The following PLCH2 variants were observed in gnomAD, a reference collection of about 807,000 sequenced individuals.
PLCH2 encodes phospholipase C eta 2, also known as 1-phosphatidylinositol 4,5-bisphosphate phosphodiesterase eta-2.
Under a neutral mutation model 134.7 loss-of-function variants are expected in PLCH2, and 98 were observed. That is an observed-to-expected ratio of 0.73 (90% CI 0.62 to 0.86). The LOEUF (loss-of-function observed/expected upper bound fraction) is 0.86, where lower values mean the gene tolerates loss of function less well. Among genes scored for constraint, PLCH2 ranks in the 40% least tolerant of loss-of-function variants. The pLI is 0.00. For missense variants in PLCH2, 1,994 were observed against 1,986.6 expected, an observed-to-expected ratio of 1.00 and a Z score of -0.07; for synonymous variants, 974 against 827.5, an observed-to-expected ratio of 1.18 and a Z score of -3.04.
rs1234133088 is a variant in PLCH2 at position 2,443,500 on chromosome 1, G to A, written c.115+12871G>A. Among the ~76,000 whole-genome samples, 4 of 152,116 alleles carry A rather than the reference G, an allele frequency of 2.6e-5. No homozygotes were observed. The East Asian group carries it at 7.7e-4, about 29-fold the overall frequency. On this transcript the variant is annotated intron_variant, in intron 2 of 3. Coordinates refer to the PLCH2 transcript ENST00000609981. ...CCGGCTGGGGCCACGGGGAGCCGGAGGGAGGCGGAGGGGGAGGTGTGGGGA... is the reference window on the plus strand; with the variant it reads ...CCGGCTGGGGCCACGGGGAGCCGGAAGGAGGCGGAGGGGGAGGTGTGGGGA...
At chr1:2,446,970 T>G (rs567049884) in intron 2 of PLCH2, among the ~76,000 whole-genome samples, 1 of 152,296 alleles carries the variant, frequency 6.6e-6, no homozygotes, top group South Asian at 2.1e-4. Flanking sequence ...GGTGGCCTGG[T>G]GGAGGTGGAG....
intron 2 of PLCH2, among the ~76,000 whole-genome samples, chr1:2,432,197 G>A (rs1015825650): frequency 1.9e-4 from 29 of 152,224 alleles, no homozygotes; most frequent in Non-Finnish European, 3.2e-4. Context: ...GCTGGGGCTG[G>A]CACCTGGCTG....
chr1:2,503,910 A>ACACCCCCCCCCCCCCCC lies in PLCH2; in HGVS notation c.2960-11_2960-10insACCCCCCCCCCCCCCCC. 1 of 266,702 alleles carries ACACCCCCCCCCCCCCCC rather than the reference A, an allele frequency of 3.7e-6. No homozygotes were observed. Among genetic ancestry groups the ACACCCCCCCCCCCCCCC allele is most frequent in the South Asian group, 4.3e-5 (1 of 23,144 alleles). The allele number at this position is 266,702 out of a possible 1,614,324, so 16.5% of individuals were successfully genotyped here. Reference sequence around the variant, plus strand: ...CCCTCTGGCTCTCTCTCACTCCCCCACCTCCCCACAGACACCCGCCCCCTC... The same window carrying ACACCCCCCCCCCCCCCC: ...CCCTCTGGCTCTCTCTCACTCCCCCACACCCCCCCCCCCCCCCCCTCCCCACAGACACCCGCCCCCTC... On this transcript the variant is annotated splice_polypyrimidine_tract_variant and intron_variant, in intron 21 of 21. Coordinates refer to ENST00000378486, the MANE Select transcript of PLCH2 (RefSeq NM_014638.4).
intron 5 of PLCH2, among the ~76,000 whole-genome samples, chr1:2,486,107 T>C (rs1484161452): frequency 2.0e-5 from 3 of 152,042 alleles, no homozygotes; most frequent in Middle Eastern, 3.2e-3. Flanking sequence ...TGGCTGCAGA[T>C]AGTAGGTCCT....
intron 5 of PLCH2, among the ~76,000 whole-genome samples, chr1:2,486,386 C>T (rs1160413617): frequency 1.3e-5 from 2 of 152,222 alleles, no homozygotes; most frequent in Admixed American, 6.5e-5. Flanking sequence ...GTGGGCTGGG[C>T]AGCTCCTGGC....
chr1:2,478,302 C>T lies in PLCH2; in HGVS notation c.125-174C>T, dbSNP rs529234160. 1.5e-3 allele frequency among the ~76,000 whole-genome samples: 236 copies of T among 152,304 alleles called. 6 individuals carry two copies. The highest frequency in any genetic ancestry group is 6.5e-4 in the Non-Finnish European group (44 of 68,006). On this transcript the variant is annotated intron_variant, in intron 1 of 21. Coordinates refer to ENST00000378486, the MANE Select transcript of PLCH2 (RefSeq NM_014638.4). ...AGGTGGCCCTGGGCTCTGGCCTTTG[C>T]CCTGTCACTGGCAGGGCGGTGTGGG... is the stretch of plus-strand genomic sequence containing the variant.
chr1:2,487,509 G>T, intron 7 of PLCH2, 89 bp from the exon 8 acceptor site: 1 of 1,517,654 alleles, frequency 6.6e-7, no homozygotes, highest in Non-Finnish European at 8.9e-7. Context: ...ACTGAGCAAT[G>T]GGACAGGCCC....
the PLCH2 span, among the ~76,000 whole-genome samples, chr1:2,418,000 C>G: frequency 6.6e-6 from 1 of 152,222 alleles, no homozygotes; most frequent in Non-Finnish European, 1.5e-5. Context: ...CATTTAGACT[C>G]TGGTGAGAAG....
intron 2 of PLCH2, among the ~76,000 whole-genome samples, chr1:2,435,070 C>T (rs1462727214): frequency 6.6e-6 from 1 of 152,214 alleles, no homozygotes; most frequent in East Asian, 1.9e-4. Flanking sequence ...GCTTTGTCAG[C>T]AGCAGGAGGC....
At chr1:2,441,627 G>A (rs1467458244) in intron 2 of PLCH2, among the ~76,000 whole-genome samples, 2 of 152,110 alleles carry the variant, frequency 1.3e-5, no homozygotes, top group Non-Finnish European at 2.9e-5. Flanking sequence ...GCTCTGCCCT[G>A]GCCTGGGCAT....
chr1:2,477,519 A>G (rs1641700009), intron 1 of PLCH2, among the ~76,000 whole-genome samples: 1 of 152,182 alleles, frequency 6.6e-6, no homozygotes, highest in Non-Finnish European at 1.5e-5. Flanking sequence ...GTGCTTTAGC[A>G]GATGGTACCT....
At chr1:2,497,883 G>A in intron 16 of PLCH2, 2 of 437,260 alleles carry the variant, frequency 4.6e-6, no homozygotes, top group Non-Finnish European at 8.2e-6. Flanking sequence ...GAGATTCATG[G>A]CAGGACTTGT....
At chr1:2,488,445 G>A (rs1353165925) in intron 8 of PLCH2, among the ~76,000 whole-genome samples, 2 of 152,214 alleles carry the variant, frequency 1.3e-5, no homozygotes, top group African/African-American at 2.4e-5. Flanking sequence ...GCAGGCCCTG[G>A]GCTTCAGGCC....
intron 1 of PLCH2, among the ~76,000 whole-genome samples, chr1:2,428,796 C>T (rs1027620363): frequency 1.3e-5 from 2 of 152,240 alleles, no homozygotes; most frequent in African/African-American, 4.8e-5. Context: ...CCAGCCGCCT[C>T]GGGGAACCCG....
In PLCH2 at chr1:2,476,304, A is replaced by G. The variant is rs551314657; in HGVS notation, c.-285A>G. The G allele has an allele frequency of 1.3e-4, 44 of 349,226 alleles. 1 individual carries two copies. The highest frequency in any genetic ancestry group is 1.1e-3 in the Admixed American group (25 of 22,018). 21.6% of individuals were successfully genotyped at this position (349,226 alleles called of 1,614,324 possible). On this transcript the variant is annotated 5_prime_UTR_variant, in exon 1 of 22. Transcript: ENST00000378486. ...CGGGGCTGAGGTCCTTTGCTCCCCC[A>G]GCCTTGGGAGGCGGCTGCGTCAGGG... is the stretch of plus-strand genomic sequence containing the variant.
chr1:2,504,383 G>A lies in PLCH2; in HGVS notation c.3421G>A (p.Asp1141Asn). ...GCGGCTGGAGCCATGTGGCCACCGA[G>A]ACAGCGTTTCCTCCTCCTCCAGCAT... ...WQRLEPCGHRDSVSSSSSMSS... is the reference protein window; with the variant it reads ...WQRLEPCGHRNSVSSSSSMSS... Residue 1141 changes from aspartate to asparagine, a missense_variant, in exon 22 of 22, where the codon GAC (aspartate) becomes AAC (asparagine). This residue lies in a region of PLCH2 where 900 missense variants were observed against 752.3 expected (regional missense o/e 1.20). Transcript: ENST00000378486. 2 of 1,612,168 alleles carry A rather than the reference G, an allele frequency of 1.2e-6. No individual in the cohort carries two copies. Among genetic ancestry groups the A allele is most frequent in the Non-Finnish European group, 1.7e-6 (2 of 1,179,748 alleles).
chr1:2,416,439 C>T, the PLCH2 span, among the ~76,000 whole-genome samples: 42 of 152,338 alleles, frequency 2.8e-4, no homozygotes, highest in African/African-American at 8.9e-4. Flanking sequence ...CTCGCAGTGC[C>T]AGCCACAAAC....
chr1:2,466,221 C>T (rs1641049636), upstream of PLCH2, among the ~76,000 whole-genome samples: 1 of 152,210 alleles, frequency 6.6e-6, no homozygotes, highest in Admixed American at 6.5e-5. Flanking sequence ...GGCCGCCCCT[C>T]CCTTCTCGCA....
chr1:2,484,645 G>A (rs369477955), intron 5 of PLCH2, 27 bp downstream of exon 5: 25 of 1,605,232 alleles, frequency 1.6e-5, no homozygotes, highest in Non-Finnish European at 2.0e-5. Context: ...AGGTGTTGGG[G>A]GGCCAGCCAT....
Sources: gnomAD v4.1 joint callset for allele counts (sites outside exome capture counted in the v4.1 genomes callset) on GRCh38, gnomAD v4.1.1 for gene constraint, gnomAD v4.1.1 regional missense constraint, MANE v1.5 for transcripts, NCBI Gene and HGNC (gene_info 2026-07-23, HGNC 2026-07-21) for gene names.